Variants in PCDHGB1 observed in about 807,000 individuals in gnomAD.
The protein encoded by PCDHGB1 is protocadherin gamma-B1.
In PCDHGB1, 34 loss-of-function variants were observed where a neutral mutation model predicts 56.6. The ratio of observed to expected loss-of-function variants is 0.60; its 90% CI spans 0.46 to 0.80. PCDHGB1 has a LOEUF of 0.80. PCDHGB1 is among the 30% of genes least tolerant of loss of function. The pLI, the probability that PCDHGB1 is intolerant of heterozygous loss-of-function variation, is 0.00. For missense variants in PCDHGB1, 1,278 were observed against 1,204.6 expected, an observed-to-expected ratio of 1.06 and a Z score of -0.90; for synonymous variants, 561 against 505.9, an observed-to-expected ratio of 1.11 and a Z score of -1.46.
intron 1 of PCDHGB1, chr5:141,377,269 TG>T (rs1449007533): frequency 2.1e-5 from 3 of 142,478 alleles, no homozygotes; most frequent in Non-Finnish European, 4.5e-5. Context: ...TTTTCTAATG[TG>T]GGAAAAAAAA....
intron 1 of PCDHGB1, among the ~76,000 whole-genome samples, chr5:141,492,641 G>A (rs2099742804): frequency 6.6e-6 from 1 of 152,226 alleles, no homozygotes; most frequent in African/African-American, 2.4e-5. Flanking sequence ...ACGATCCTTG[G>A]GCCAGAGGTC....
At chr5:141,413,631 G>A in intron 1 of PCDHGB1, 4 of 1,613,750 alleles carry the variant, frequency 2.5e-6, no homozygotes, top group Admixed American at 1.7e-5. Context: ...ATGTCGCTGC[G>A]GGAATGCGTT....
rs1386791249 is a variant in PCDHGB1 at position 141,511,417 on chromosome 5, G to A, written c.*244G>A. 1.2e-6 allele frequency: 1 copy of A among 835,942 alleles called. No homozygotes were observed. Among genetic ancestry groups the A allele is most frequent in the African/African-American group, 1.7e-5 (1 of 58,154 alleles). The allele number at this position is 835,942 out of a possible 1,614,324, so 51.8% of individuals were successfully genotyped here. A position where few individuals can be genotyped will look rare whatever the true frequency, so the allele number is the denominator to read the frequency against. The stretch of plus-strand genomic sequence containing the variant: ...CCATCCAATCAACTGCTGTACCCAT[G>A]GGGGTAGTGGGGTTACTGTAGACAC... On this transcript the variant is annotated 3_prime_UTR_variant, in exon 4 of 4. Transcript: ENST00000523390.
At chr5:141,401,239 G>A (rs1024455506) in intron 1 of PCDHGB1, among the ~76,000 whole-genome samples, 6 of 152,154 alleles carry the variant, frequency 3.9e-5, no homozygotes, top group Admixed American at 6.5e-5. Flanking sequence ...CTACTCAGGA[G>A]GCTAAGACAG....
At chr5:141,376,815 T>C in intron 1 of PCDHGB1, 1 of 299,046 alleles carries the variant, frequency 3.3e-6, no homozygotes, top group Admixed American at 4.9e-5. Context: ...GCCTCCCTAG[T>C]AGCTGGGACT....
At chr5:141,463,261 T>G (rs552225283) in intron 1 of PCDHGB1, among the ~76,000 whole-genome samples, 29 of 152,134 alleles carry the variant, frequency 1.9e-4, no homozygotes, top group African/African-American at 6.3e-4. Context: ...TAGTACTCTA[T>G]CCCATAAATT....
chr5:141,392,622 A>ACTCACAT, intron 1 of PCDHGB1: 1 of 558,650 alleles, frequency 1.8e-6, no homozygotes, highest in Non-Finnish European at 3.0e-6. Context: ...AACCGAAAAC[A>ACTCACAT]CTCAGATCTC....
chr5:141,431,066 CAATT>C lies in PCDHGB1; in HGVS notation c.2410-63738_2410-63735del, dbSNP rs762972663. ...GCTCTGTATGGGGGCCATCAAGTGT[CAATT>C]AAATCTAGACATTCTGATGGAGGAT... On this transcript the variant is annotated intron_variant, in intron 1 of 3. Transcript: ENST00000523390. This position sits in a 1 kb window ranked among gnomAD's most constrained non-coding sequence, Gnocchi z 4.8. 9 of 1,614,042 alleles carry C rather than the reference CAATT, an allele frequency of 5.6e-6. No individual in the cohort carries two copies. The East Asian group carries it at 2.0e-4, about 36-fold the overall frequency.
In PCDHGB1 at chr5:141,449,878, A is replaced by G. The variant is rs536474516; in HGVS notation, c.2410-44929A>G. On this transcript the variant is annotated intron_variant, in intron 1 of 3. Transcript: ENST00000523390. ...ATAAAAATCAGAAAATTTAACATCA[A>G]TGCAATATAATTATTTAGCCTATAG... 6.6e-4 allele frequency among the ~76,000 whole-genome samples: 100 copies of G among 152,050 alleles called. 1 individual carries two copies. The highest frequency in any genetic ancestry group is 2.4e-3 in the African/African-American group (99 of 41,574).
chr5:141,388,989 G>A (rs1460138722), intron 1 of PCDHGB1: 1 of 1,613,886 alleles, frequency 6.2e-7, no homozygotes, highest in African/African-American at 1.3e-5. Context: ...TTTGCTCAAA[G>A]TCCGTGACAA....
In PCDHGB1 at chr5:141,486,757, C is replaced by A; in HGVS notation, c.2410-8050C>A. 5 of 1,614,228 alleles carry A rather than the reference C, an allele frequency of 3.1e-6. No homozygotes were observed. Among genetic ancestry groups the A allele is most frequent in the Non-Finnish European group, 4.2e-6 (5 of 1,180,036 alleles). ...CTCGATCCTTTGACTATGAGCAAAC[C>A]CAGACACTGCAGTTTGAGGTGCAGG... On this transcript the variant is annotated intron_variant, in intron 1 of 3. Coordinates refer to ENST00000523390, the MANE Select transcript of PCDHGB1 (RefSeq NM_018922.3). This position sits in a 1 kb window ranked among gnomAD's most constrained non-coding sequence, Gnocchi z 5.0.
In PCDHGB1 at chr5:141,350,322, C is replaced by CTT; in HGVS notation, c.64_65dup (p.Leu22PhefsTer19). On this transcript the variant is annotated frameshift_variant, in exon 1 of 4. Transcript: ENST00000523390. LOFTEE classifies it high-confidence loss of function. ...CAGGTACTGTTTCCCTTCCTGCTGTCTTTGTTCTGCGGGGCCATCTCCCAG... is the reference window on the plus strand; with the variant it reads ...CAGGTACTGTTTCCCTTCCTGCTGTCTTTTTGTTCTGCGGGGCCATCTCCCAG... 6.5e-7 allele frequency: 1 copy of CTT among 1,532,296 alleles called. No homozygotes were observed. The highest frequency in any genetic ancestry group is 8.8e-7 in the Non-Finnish European group (1 of 1,141,942). 94.9% of individuals were successfully genotyped at this position (1,532,296 alleles called of 1,614,324 possible).
chr5:141,484,883 G>GCC (rs1231530221), intron 1 of PCDHGB1: 2 of 352,506 alleles, frequency 5.7e-6, no homozygotes, highest in Admixed American at 9.0e-5. Flanking sequence ...GATAGGGTGG[G>GCC]CTTTTTCCCC....
At chr5:141,393,303 G>C in intron 1 of PCDHGB1, 1 of 1,613,764 alleles carries the variant, frequency 6.2e-7, no homozygotes, top group Non-Finnish European at 8.5e-7. Context: ...GGATGTGGGC[G>C]TGAACTCCCT....
chr5:141,438,901 G>A (rs1039951275), intron 1 of PCDHGB1, among the ~76,000 whole-genome samples: 2 of 151,746 alleles, frequency 1.3e-5, no homozygotes, highest in African/African-American at 2.4e-5. Flanking sequence ...CCTGACCTCA[G>A]GTGATCCACC....
At chr5:141,362,842 G>A (rs914236612) in intron 1 of PCDHGB1, among the ~76,000 whole-genome samples, 18 of 152,134 alleles carry the variant, frequency 1.2e-4, no homozygotes, top group Admixed American at 8.5e-4. Context: ...TGAGACTTTA[G>A]GCAATTAGTT....
At chr5:141,502,363 T>C (rs1216939790) in intron 2 of PCDHGB1, among the ~76,000 whole-genome samples, 2 of 152,100 alleles carry the variant, frequency 1.3e-5, no homozygotes, top group African/African-American at 4.8e-5. Context: ...ATGGATATTT[T>C]TAAAGAGTCC....
Position 141,419,013 on chromosome 5 carries a change from G to C in PCDHGB1, c.2409+66344G>C, listed in dbSNP as rs746229802. The C allele has an allele frequency of 6.9e-5, 111 of 1,613,840 alleles. No individual in the cohort carries two copies. In the East Asian group the frequency reaches 2.4e-3, roughly 35 times the overall value. ...GGGGAAAATGGGGAAGTCAGGTGTA[G>C]CTTAAGTAGAGGTGTTCCATTTAAG... is the stretch of plus-strand genomic sequence containing the variant. On this transcript the variant is annotated intron_variant, in intron 1 of 3. Transcript: ENST00000523390.
chr5:141,437,307 G>A (rs1172152732), intron 1 of PCDHGB1, among the ~76,000 whole-genome samples: 7 of 152,120 alleles, frequency 4.6e-5, no homozygotes, highest in South Asian at 2.1e-4. Context: ...AAGTTAAAGC[G>A]TTCAGCTATA....
Sources: allele counts gnomAD v4.1 joint callset (sites outside exome capture counted in the v4.1 genomes callset), GRCh38; gene constraint gnomAD v4.1.1; non-coding constraint Gnocchi (gnomAD v3.1); transcripts MANE v1.5; gene names NCBI Gene and HGNC (gene_info 2026-07-23, HGNC 2026-07-21).